The following ZNF615 variants were observed in gnomAD, a reference collection of about 807,000 sequenced individuals.
The protein encoded by ZNF615 is zinc finger protein 615.
In ZNF615, 15 loss-of-function variants were observed where a neutral mutation model predicts 15.3. That is an observed-to-expected ratio of 0.98 (90% CI 0.66 to 1.51). The LOEUF (loss-of-function observed/expected upper bound fraction) is 1.51, where lower values mean the gene tolerates loss of function less well. ZNF615 is among the 40% of genes most tolerant of loss of function. The pLI is 0.00. For synonymous variants in ZNF615, 268 were observed against 294.6 expected, an observed-to-expected ratio of 0.91 and a Z score of 0.92; for missense variants, 848 against 895.9, an observed-to-expected ratio of 0.95 and a Z score of 0.68.
At chr19:51,998,628 C>T (rs184408799) in intron 6 of ZNF615, among the ~76,000 whole-genome samples, 3 of 152,192 alleles carry the variant, frequency 2.0e-5, no homozygotes, top group East Asian at 1.9e-4. Flanking sequence ...CTGCTGATAG[C>T]GTTGGAATAT....
chr19:52,003,169 T>C (rs1034781196), intron 3 of ZNF615, among the ~76,000 whole-genome samples: 1 of 152,094 alleles, frequency 6.6e-6, no homozygotes, highest in Non-Finnish European at 1.5e-5. Context: ...AGAATATATA[T>C]GCAGACACAT....
At position 51,999,906 on chromosome 19, in the gene ZNF615, T is replaced by C. The variant is rs149234857; in HGVS notation, c.271+440A>G. Among the ~76,000 whole-genome samples, 21 of 152,258 alleles carry C rather than the reference T, an allele frequency of 1.4e-4. No individual in the cohort carries two copies. In the East Asian group the frequency reaches 3.3e-3, roughly 24 times the overall value. On this transcript the variant is annotated intron_variant, in intron 6 of 6. Coordinates refer to ENST00000598071, the MANE Select transcript of ZNF615 (RefSeq NM_001199324.2). ...TGCCAGAATTTAAGATGTGCAGTAA[T>C]GAAAGAGACCCTGGATTTAAACAGG...
At chr19:51,995,987 G>A (rs1403382126) in intron 6 of ZNF615, among the ~76,000 whole-genome samples, 2 of 152,096 alleles carry the variant, frequency 1.3e-5, no homozygotes, top group Non-Finnish European at 2.9e-5. Context: ...TATAAGAGGT[G>A]GAGAAAATCA....
intron 1 of ZNF615, chr19:52,007,915 C>T: frequency 1.9e-6 from 1 of 531,224 alleles, no homozygotes. Flanking sequence ...TGTGACTGGT[C>T]CCAGAGGTAC....
rs754183086 is a variant in ZNF615 at position 51,994,195 on chromosome 19, C to T, written c.914G>A (p.Gly305Glu). The change falls in exon 7 of 7, where the codon GGG (glycine) becomes GAG (glutamate). Residue 305 changes from glycine (G) to glutamate (E), a missense_variant. Coordinates refer to ENST00000598071, the MANE Select transcript of ZNF615 (RefSeq NM_001199324.2). ...CCGACACTTCTTGATGAAGGCTTTCCCACATTGGCTACATGTGTAAGGTTT... is the reference window on the plus strand; with the variant it reads ...CCGACACTTCTTGATGAAGGCTTTCTCACATTGGCTACATGTGTAAGGTTT... Reference protein sequence around the residue: ...GGKPYTCSQCGKAFIKKCRLI... With the variant: ...GGKPYTCSQCEKAFIKKCRLI... 8.7e-6 allele frequency: 14 copies of T among 1,613,810 alleles called. No homozygotes were observed.
rs766903839 is a variant in ZNF615, at chr19:51,993,620, A to G, written c.1489T>C (p.Cys497Arg). Reference protein sequence around the residue: ...RTHTAEKPYICNDCGKGFTVK... With the variant: ...RTHTAEKPYIRNDCGKGFTVK... ...GTGAAGCCTTTTCCACAATCATTGC[A>G]TATATATGGCTTCTCTGCAGTATGA... The change falls in exon 7 of 7, where the codon TGC (cysteine) becomes CGC (arginine). Residue 497 changes from cysteine to arginine, a missense_variant. Physicochemically the swap from Cys to Arg is radical, Grantham distance 180. Coordinates refer to ENST00000598071, the MANE Select transcript of ZNF615 (RefSeq NM_001199324.2). 6 of 1,614,122 alleles carry G rather than the reference A, an allele frequency of 3.7e-6. No individual in the cohort carries two copies. The highest frequency in any genetic ancestry group is 1.3e-5 in the African/African-American group (1 of 75,032).
chr19:52,002,715 T>C (rs2086636620), intron 3 of ZNF615, among the ~76,000 whole-genome samples: 1 of 152,180 alleles, frequency 6.6e-6, no homozygotes, highest in East Asian at 1.9e-4. Context: ...ATAACTATGG[T>C]TAACATAGTT....
intron 6 of ZNF615, among the ~76,000 whole-genome samples, chr19:51,998,902 G>T (rs1489419475): frequency 6.6e-6 from 1 of 152,134 alleles, no homozygotes; most frequent in African/African-American, 2.4e-5. Context: ...TGATCCATCT[G>T]CCTTGGCCTC....
chr19:51,994,825 AT>A lies in ZNF615; in HGVS notation c.283del (p.Ile95LeufsTer18). The A allele has an allele frequency of 6.3e-7, 1 of 1,578,392 alleles. No individual in the cohort carries two copies. Among genetic ancestry groups the A allele is most frequent in the Non-Finnish European group, 8.6e-7 (1 of 1,164,628 alleles). ...SGGAYAEIRK[I>X]DDPLQHHLQN... is the part of the protein sequence containing the mutation. ...CAAGTGATGCTGCAGAGGATCATCAATTTTCCTGATTTCTAGGAAAGAAGAG... is the reference window on the plus strand; with the variant it reads ...CAAGTGATGCTGCAGAGGATCATCAATTTCCTGATTTCTAGGAAAGAAGAG... On this transcript the variant is annotated frameshift_variant, in exon 7 of 7. Coordinates refer to ENST00000598071, the MANE Select transcript of ZNF615 (RefSeq NM_001199324.2). LOFTEE classifies it low-confidence loss of function (END_TRUNC).
intron 2 of ZNF615, among the ~76,000 whole-genome samples, 155 bp from the exon 3 acceptor site, chr19:52,004,055 C>T (rs967431447): frequency 1.3e-4 from 20 of 152,120 alleles, no homozygotes; most frequent in African/African-American, 4.3e-4. Flanking sequence ...TAAAATATAA[C>T]ATTCTGAATA....
chr19:51,996,011 G>C (rs930320252), intron 6 of ZNF615, among the ~76,000 whole-genome samples: 14 of 152,168 alleles, frequency 9.2e-5, no homozygotes, highest in Non-Finnish European at 1.8e-4. Flanking sequence ...TATAGTTAAA[G>C]AAATGACAAG....
rs777401571 is a variant in ZNF615 at position 51,992,929 on chromosome 19, G to A, written c.2180C>T (p.Ala727Val). 6.2e-7 allele frequency: 1 copy of A among 1,614,170 alleles called. No homozygotes were observed. Among genetic ancestry groups the A allele is most frequent in the East Asian group, 2.2e-5 (1 of 44,880 alleles). ...AACAAGGATAGACAAGTGCGCAAAAGCTTTCCCACAATCACTACATCCATA... is the reference window on the plus strand; with the variant it reads ...AACAAGGATAGACAAGTGCGCAAAAACTTTCCCACAATCACTACATCCATA... Reference protein sequence around the residue: ...RPYGCSDCGKAFAHLSILVKH... With the variant: ...RPYGCSDCGKVFAHLSILVKH... Residue 727 changes from alanine to valine, a missense_variant, in exon 7 of 7, where the codon GCT (alanine) becomes GTT (valine). Coordinates refer to ENST00000598071, the MANE Select transcript of ZNF615 (RefSeq NM_001199324.2).
chr19:51,998,181 C>T (rs906208076), intron 6 of ZNF615, among the ~76,000 whole-genome samples: 1 of 152,160 alleles, frequency 6.6e-6, no homozygotes, highest in African/African-American at 2.4e-5. Context: ...CATGAATGCC[C>T]TTGACAGGCA....
At chr19:52,000,201 A>C in intron 6 of ZNF615, 145 bp downstream of exon 6, 1 of 423,276 alleles carries the variant, frequency 2.4e-6, no homozygotes, top group Non-Finnish European at 4.2e-6. Flanking sequence ...AGACAGGAAC[A>C]ATAGACACTG....
In ZNF615 at chr19:51,992,970, A is replaced by T. The variant is rs2086278535; in HGVS notation, c.2139T>A (p.His713Gln). 29 of 1,614,144 alleles carry T rather than the reference A, an allele frequency of 1.8e-5. No homozygotes were observed. Among genetic ancestry groups the T allele is most frequent in the Non-Finnish European group, 2.5e-5 (29 of 1,180,022 alleles). Residue 713 changes from histidine (H) to glutamine (Q), a missense_variant, in exon 7 of 7, where the codon CAT becomes CAA. Physicochemically the swap from His to Gln is conservative, Grantham distance 24. Coordinates refer to ENST00000598071, the MANE Select transcript of ZNF615 (RefSeq NM_001199324.2). ...TACATCCATAGGGCCTCTCTCCTGT[A>T]TGTTTTCTTTGATGAACATTGAGCC... ...KSGLNVHQRK[H>Q]TGERPYGCSD...
intron 6 of ZNF615, among the ~76,000 whole-genome samples, chr19:51,996,688 G>T (rs551393210): frequency 2.0e-3 from 306 of 152,244 alleles, no homozygotes; most frequent in African/African-American, 7.2e-3. Flanking sequence ...GAAACATGTA[G>T]AAAAAAAGAA....
At chr19:52,006,871 TATAAA>T (rs1321087123) in intron 2 of ZNF615, among the ~76,000 whole-genome samples, 3 of 152,064 alleles carry the variant, frequency 2.0e-5, no homozygotes, top group African/African-American at 7.2e-5. Context: ...GATGACCAAA[TATAAA>T]ATAAATATTT....
intron 3 of ZNF615, 195 bp from the exon 4 acceptor site, chr19:52,002,476 A>G: frequency 1.3e-6 from 1 of 763,564 alleles, no homozygotes; most frequent in Non-Finnish European, 2.2e-6. Flanking sequence ...ACAATGTTGA[A>G]AAGTCAAAGA....
At position 51,991,413 on chromosome 19, in the gene ZNF615, A is replaced by G. The variant is rs985878579; in HGVS notation, c.*1467T>C. ...AAAACTAATGTCCTTCAGTGGGTGA[A>G]TAAACAAATAGTGGTATATTCGTAT... On this transcript the variant is annotated 3_prime_UTR_variant, in exon 7 of 7. Coordinates refer to ENST00000598071, the MANE Select transcript of ZNF615 (RefSeq NM_001199324.2). 1 of 152,274 alleles carries G rather than the reference A, an allele frequency of 6.6e-6. No individual in the cohort carries two copies. Among genetic ancestry groups the G allele is most frequent in the Non-Finnish European group, 1.5e-5 (1 of 68,050 alleles). 9.4% of individuals were successfully genotyped at this position (152,274 alleles called of 1,614,324 possible). A position where few individuals can be genotyped will look rare whatever the true frequency, so the allele number is the denominator to read the frequency against.
Sources: allele counts gnomAD v4.1 joint callset (sites outside exome capture counted in the v4.1 genomes callset), GRCh38; gene constraint gnomAD v4.1.1; transcripts MANE v1.5; gene names NCBI Gene and HGNC (gene_info 2026-07-23, HGNC 2026-07-21).